Variants in UXS1 observed in about 807,000 individuals in gnomAD.
The protein encoded by UXS1 is UDP-glucuronate decarboxylase 1.
A neutral mutation model predicts 62.6 loss-of-function variants in UXS1; 33 were observed. The observed-to-expected ratio is 0.53, with a 90% CI of 0.40 to 0.70. UXS1 has a LOEUF of 0.70. UXS1 is among the 30% of genes least tolerant of loss of function. The pLI is 0.00. For synonymous variants in UXS1, 213 were observed against 206.8 expected (o/e 1.03, Z -0.26); for missense variants, 434 against 556.3 (o/e 0.78, Z 2.21).
rs949194961 is a variant in UXS1 at position 106,187,486 on chromosome 2, G to C, written c.94+6662C>G. Reference sequence around the variant, plus strand: ...GGCAATTGCCGATCATGTGGGAGCTGATTATATTAAGGGCAAAACTGTACC... The same window carrying C: ...GGCAATTGCCGATCATGTGGGAGCTCATTATATTAAGGGCAAAACTGTACC... On this transcript the variant is annotated intron_variant, in intron 1 of 14. Coordinates refer to ENST00000283148, the MANE Select transcript of UXS1 (RefSeq NM_001253875.2). Among the ~76,000 whole-genome samples, 3 of 152,172 alleles carry C rather than the reference G, an allele frequency of 2.0e-5. No homozygotes were observed. The East Asian group carries it at 5.8e-4, about 29-fold the overall frequency.
chr2:106,153,515 C>A (rs929310973), intron 5 of UXS1, among the ~76,000 whole-genome samples: 2 of 152,032 alleles, frequency 1.3e-5, no homozygotes, highest in African/African-American at 2.4e-5. Flanking sequence ...TAAAGTAGAC[C>A]AGAGAAGTCA....
intron 6 of UXS1, among the ~76,000 whole-genome samples, chr2:106,143,426 AAAAAAAAAAAAAG>A (rs1215454652): frequency 6.8e-6 from 1 of 148,134 alleles, no homozygotes; most frequent in Non-Finnish European, 1.5e-5. Flanking sequence ...AAAAAAAAAA[AAAAAAAAAAAAAG>A]GTATAATTTG....
intron 12 of UXS1, 71 bp downstream of exon 12, chr2:106,100,987 T>C: frequency 6.3e-7 from 1 of 1,579,556 alleles, no homozygotes; most frequent in Non-Finnish European, 8.7e-7. Context: ...CAAAGCCTGG[T>C]GCTGCTCATG....
At chr2:106,183,635 A>G (rs1684383866) in intron 1 of UXS1, 1 of 152,234 alleles carries the variant, frequency 6.6e-6, no homozygotes, top group Non-Finnish European at 1.5e-5. Context: ...GCTGGCCGTC[A>G]CTGCCCTTCC....
intron 1 of UXS1, among the ~76,000 whole-genome samples, chr2:106,170,712 A>G (rs757770755): frequency 2.0e-5 from 3 of 152,264 alleles, no homozygotes; most frequent in Non-Finnish European, 2.9e-5. Context: ...GTTGCTGCAC[A>G]GATTCCAAAG....
chr2:106,130,624 T>C (rs6747271), intron 6 of UXS1, among the ~76,000 whole-genome samples: 147,496 of 152,316 alleles, frequency 0.97, 71,568 homozygotes, highest in South Asian at 1. Context: ...GTAAGAATAC[T>C]TGCAGGGGCC....
chr2:106,181,374 G>A (rs1684236392), intron 1 of UXS1, among the ~76,000 whole-genome samples: 1 of 152,214 alleles, frequency 6.6e-6, no homozygotes, highest in South Asian at 2.1e-4. Flanking sequence ...CCACCGATTA[G>A]GTTTGAGAAT....
chr2:106,187,458 G>A (rs374110200), intron 1 of UXS1, among the ~76,000 whole-genome samples: 1 of 152,180 alleles, frequency 6.6e-6, no homozygotes, highest in African/African-American at 2.4e-5. Flanking sequence ...ATGAATTTAT[G>A]AGGGCAATTG....
intron 10 of UXS1, among the ~76,000 whole-genome samples, chr2:106,108,298 G>C (rs1325281838): frequency 1.3e-5 from 2 of 152,224 alleles, no homozygotes; most frequent in African/African-American, 4.8e-5. Context: ...AGAAAGGGGT[G>C]TGTGTGCAAG....
rs778402635 is a variant in UXS1 at position 106,194,270 on chromosome 2, T to G, written c.-29A>C. ...CGGGAGCCGCGCGGGTCCAGGGCCC[T>G]ACCGCGCGGGGGCCCGCCTGCTGCA... is the stretch of plus-strand genomic sequence containing the variant. On this transcript the variant is annotated 5_prime_UTR_variant, in exon 1 of 15. Transcript: ENST00000283148. The G allele has an allele frequency of 2.0e-4, 243 of 1,194,570 alleles. No individual in the cohort carries two copies. The highest frequency in any genetic ancestry group is 3.9e-4 in the East Asian group (9 of 23,194). The allele number at this position is 1,194,570 out of a possible 1,614,324, so 74.0% of individuals were successfully genotyped here. A position where few individuals can be genotyped will look rare whatever the true frequency, so the allele number is the denominator to read the frequency against.
intron 1 of UXS1, among the ~76,000 whole-genome samples, chr2:106,185,141 C>T (rs1026809192): frequency 6.6e-6 from 1 of 152,178 alleles, no homozygotes; most frequent in African/African-American, 2.4e-5. Flanking sequence ...CCATCACTTT[C>T]ACCTTCAACT....
chr2:106,143,937 C>A (rs1431426884), intron 6 of UXS1, among the ~76,000 whole-genome samples: 1 of 152,204 alleles, frequency 6.6e-6, no homozygotes, highest in Non-Finnish European at 1.5e-5. Context: ...TTTGACGGTT[C>A]ATGTGACTAT....
At chr2:106,178,474 G>C (rs1271270373) in intron 1 of UXS1, among the ~76,000 whole-genome samples, 4 of 151,448 alleles carry the variant, frequency 2.6e-5, no homozygotes, top group East Asian at 2.0e-4. Flanking sequence ...ATACATACAA[G>C]TGTGTGTATA....
At chr2:106,105,726 C>T (rs867758354) in intron 10 of UXS1, among the ~76,000 whole-genome samples, 1 of 152,202 alleles carries the variant, frequency 6.6e-6, no homozygotes, top group Non-Finnish European at 1.5e-5. Flanking sequence ...ACCTGCGGAG[C>T]GCCACGGATC....
chr2:106,140,724 C>T (rs1681031266), intron 6 of UXS1, among the ~76,000 whole-genome samples: 1 of 152,146 alleles, frequency 6.6e-6, no homozygotes, highest in African/African-American at 2.4e-5. Flanking sequence ...CCATAAACAG[C>T]GATTAGAATA....
At chr2:106,184,925 C>T (rs1684469223) in intron 1 of UXS1, among the ~76,000 whole-genome samples, 1 of 152,190 alleles carries the variant, frequency 6.6e-6, no homozygotes, top group Non-Finnish European at 1.5e-5. Context: ...CCCCAAAATG[C>T]AAAACTGATT....
intron 1 of UXS1, among the ~76,000 whole-genome samples, chr2:106,180,814 A>AT (rs1684195902): frequency 6.6e-6 from 1 of 152,196 alleles, no homozygotes; most frequent in Admixed American, 6.5e-5. Flanking sequence ...TACAGACAAC[A>AT]AAGAAGTGGA....
intron 5 of UXS1, 31 bp downstream of exon 5, chr2:106,158,027 T>C (rs767630723): frequency 6.6e-6 from 10 of 1,517,144 alleles, no homozygotes; most frequent in Non-Finnish European, 8.0e-6. Flanking sequence ...TTTCTTAATA[T>C]TACAAATACT....
chr2:106,145,775 A>G (rs1247038882), intron 5 of UXS1, among the ~76,000 whole-genome samples: 1 of 152,214 alleles, frequency 6.6e-6, no homozygotes, highest in East Asian at 1.9e-4. Flanking sequence ...AAAAACGATT[A>G]GCAAAATGCA....
Sources: allele counts gnomAD v4.1 joint callset (sites outside exome capture counted in the v4.1 genomes callset), GRCh38; gene constraint gnomAD v4.1.1; transcripts MANE v1.5; gene names NCBI Gene and HGNC (gene_info 2026-07-23, HGNC 2026-07-21).